KDM6A: variants seen among roughly 807,000 people sequenced by gnomAD.
KDM6A encodes the protein lysine demethylase 6A, also known as lysine-specific demethylase 6A.
In KDM6A, 11 loss-of-function variants were observed where a neutral mutation model predicts 117.6. The observed-to-expected ratio is 0.09, with a 90% CI of 0.06 to 0.15. The LOEUF (loss-of-function observed/expected upper bound fraction) is 0.15, where lower values mean the gene tolerates loss of function less well. Ranked by LOEUF, KDM6A falls within the 10% of genes least tolerant of loss-of-function variation. The probability of loss-of-function intolerance (pLI) is 1.00; values close to 1 mark genes in which losing one functional copy is unlikely to be tolerated. For synonymous variants in KDM6A, 384 were observed against 396.1 expected (o/e 0.97, Z 0.36); for missense variants, 799 against 1,077.3 (o/e 0.74, Z 3.62).
At position 45,065,297 on chromosome X, in the gene KDM6A, G is replaced by C. The variant is rs1407015823; in HGVS notation, c.2079+1480G>C. ...GTGGCAAGCATGGCAGAACAGGACA[G>C]GCAAGGAGTGAGAAGAGAGAGAAAT... is the stretch of plus-strand genomic sequence containing the variant. On this transcript the variant is annotated intron_variant, in intron 17 of 29. Transcript: ENST00000611820. 2.7e-5 allele frequency among the ~76,000 whole-genome samples: 3 copies of C among 111,853 alleles called. No homozygotes were observed. In the Admixed American group the frequency reaches 2.8e-4, roughly 11 times the overall value.
intron 25 of KDM6A, among the ~76,000 whole-genome samples, chrX:45,087,077 G>A (rs1273122986): frequency 3.6e-5 from 4 of 112,673 alleles, no homozygotes; most frequent in African/African-American, 6.4e-5. Context: ...TGCAGCCTCC[G>A]CCTCCCAGGT....
At chrX:44,943,702 A>T (rs956159869) in intron 2 of KDM6A, among the ~76,000 whole-genome samples, 20 of 111,850 alleles carry the variant, frequency 1.8e-4, no homozygotes, top group African/African-American at 5.8e-4. Flanking sequence ...TTGAGGGATT[A>T]TTTGGGTTAT....
At chrX:44,981,004 A>G (rs781500472) in intron 4 of KDM6A, among the ~76,000 whole-genome samples, 1 of 110,698 alleles carries the variant, frequency 9.0e-6, no homozygotes, top group Admixed American at 9.6e-5. Flanking sequence ...TCATGTTTTT[A>G]TAATGAATAG....
intron 2 of KDM6A, among the ~76,000 whole-genome samples, chrX:44,937,119 T>C (rs201989023): frequency 9.6e-6 from 1 of 104,267 alleles, no homozygotes; most frequent in African/African-American, 3.5e-5. Context: ...ACATTGACCC[T>C]TTTTTTTTTT....
chrX:45,090,658 A>G (rs1477995389), intron 26 of KDM6A, 65 bp from the exon 27 acceptor site: 1 of 1,134,554 alleles, frequency 8.8e-7, no homozygotes, highest in Non-Finnish European at 1.2e-6. Flanking sequence ...TGAGCAGGTG[A>G]TAATGGTTAT....
chrX:45,035,081 C>T (rs2042752631), intron 7 of KDM6A, 96 bp downstream of exon 7: 3 of 761,559 alleles, frequency 3.9e-6, no homozygotes, highest in Non-Finnish European at 4.1e-6. Context: ...GCAATTTTTT[C>T]TTTTAGAATT....
chrX:45,038,590 A>AT (rs1167916293), intron 8 of KDM6A, among the ~76,000 whole-genome samples: 8 of 97,337 alleles, frequency 8.2e-5, no homozygotes, highest in African/African-American at 3.4e-4. Context: ...AGTATAACAC[A>AT]TTTGGGGGGG....
At chrX:44,985,946 C>T (rs1210190370) in intron 4 of KDM6A, among the ~76,000 whole-genome samples, 6 of 112,069 alleles carry the variant, frequency 5.4e-5, no homozygotes, top group African/African-American at 1.9e-4. Context: ...GGAGGATTCC[C>T]TCTTTTTCTC....
chrX:45,012,360 C>A (rs1303889813), intron 5 of KDM6A, among the ~76,000 whole-genome samples: 1 of 109,107 alleles, frequency 9.2e-6, no homozygotes, highest in African/African-American at 3.4e-5. Context: ...GCCACCATGC[C>A]TGGCTAATGT....
intron 8 of KDM6A, among the ~76,000 whole-genome samples, chrX:45,051,241 CT>C (rs1273774537): frequency 9.0e-6 from 1 of 111,461 alleles, no homozygotes; most frequent in Non-Finnish European, 1.9e-5. Context: ...AACTCTTGAC[CT>C]GGTGATTTGC....
intron 3 of KDM6A, among the ~76,000 whole-genome samples, chrX:44,969,411 C>CTTTTT (rs11288771): frequency 3.1e-4 from 11 of 35,972 alleles, no homozygotes; most frequent in Admixed American, 8.5e-4. Flanking sequence ...CTCTTTTTAT[C>CTTTTT]TTTTTTTTTT....
At chrX:45,005,069 C>A (rs1045967114) in intron 4 of KDM6A, among the ~76,000 whole-genome samples, 36 of 110,797 alleles carry the variant, frequency 3.2e-4, no homozygotes, top group African/African-American at 1.2e-3. Context: ...GAGGGTTGGG[C>A]CTCTTAGGTA....
intron 2 of KDM6A, among the ~76,000 whole-genome samples, chrX:44,917,296 G>A (rs1325637752): frequency 9.0e-6 from 1 of 110,918 alleles, no homozygotes; most frequent in Non-Finnish European, 1.9e-5. Context: ...CAAAGTGCTG[G>A]GATTACAAGG....
chrX:45,092,371 C>G (rs1264722714), intron 27 of KDM6A, among the ~76,000 whole-genome samples: 1 of 111,524 alleles, frequency 9.0e-6, no homozygotes, highest in Admixed American at 9.5e-5. Flanking sequence ...TAATCAGCTC[C>G]TACTTAATAT....
chrX:44,922,760 C>T lies in KDM6A; in HGVS notation c.226-38524C>T, dbSNP rs755149880. Among the ~76,000 whole-genome samples, 7 of 112,746 alleles carry T rather than the reference C, an allele frequency of 6.2e-5. No individual in the cohort carries two copies. The South Asian group carries it at 2.2e-3, about 35-fold the overall frequency. Reference sequence around the variant, plus strand: ...CTGGGATTACAGGCGTGAGCCACTGCGCCCGGCCTAATTTGAATATTCTTA... The same window carrying T: ...CTGGGATTACAGGCGTGAGCCACTGTGCCCGGCCTAATTTGAATATTCTTA... On this transcript the variant is annotated intron_variant, in intron 2 of 29. Coordinates refer to ENST00000611820, the MANE Select transcript of KDM6A (RefSeq NM_001291415.2).
At chrX:44,874,637 G>A (rs1315985531) in intron 2 of KDM6A, among the ~76,000 whole-genome samples, 2 of 111,275 alleles carry the variant, frequency 1.8e-5, no homozygotes, top group Non-Finnish European at 3.8e-5. Context: ...CTCATTTCCT[G>A]TGTGTCTGAC....
At chrX:44,944,347 G>A (rs1406383789) in intron 2 of KDM6A, among the ~76,000 whole-genome samples, 1 of 111,382 alleles carries the variant, frequency 9.0e-6, no homozygotes, top group African/African-American at 3.3e-5. Flanking sequence ...GTGAAACTCT[G>A]TTAGGACATG....
intron 2 of KDM6A, among the ~76,000 whole-genome samples, chrX:44,932,765 A>G (rs762331529): frequency 1.8e-5 from 2 of 111,902 alleles, no homozygotes; most frequent in Non-Finnish European, 3.8e-5. Context: ...CAGAATTTAA[A>G]AAACAAACCT....
At chrX:44,916,880 A>G (rs1195710960) in intron 2 of KDM6A, among the ~76,000 whole-genome samples, 4 of 110,463 alleles carry the variant, frequency 3.6e-5, no homozygotes, top group Non-Finnish European at 7.6e-5. Flanking sequence ...TCTTGGGCAC[A>G]AGCGATCCTC....
Sources: gnomAD v4.1 joint callset for allele counts (sites outside exome capture counted in the v4.1 genomes callset) on GRCh38, gnomAD v4.1.1 for gene constraint, MANE v1.5 for transcripts, NCBI Gene and HGNC (gene_info 2026-07-23, HGNC 2026-07-21) for gene names.